TRRAP: variants seen among roughly 807,000 people sequenced by gnomAD.
The protein encoded by TRRAP is transformation/transcription domain-associated protein.
A neutral mutation model predicts 438.8 loss-of-function variants in TRRAP; 41 were observed. The observed-to-expected ratio is 0.09, with a 90% CI of 0.07 to 0.12. The LOEUF is 0.12. Ranked by LOEUF, TRRAP falls within the 10% of genes least tolerant of loss-of-function variation. The pLI, the probability that TRRAP is intolerant of heterozygous loss-of-function variation, is 1.00. For missense variants in TRRAP, 3,122 were observed against 5,055.1 expected (o/e 0.62, Z 11.60); for synonymous variants, 1,994 against 1,962.9 (o/e 1.02, Z -0.42).
At position 98,990,521 on chromosome 7, in the gene TRRAP, A is replaced by G; in HGVS notation, c.9658A>G (p.Ile3220Val). The G allele has an allele frequency of 1.2e-6, 2 of 1,614,168 alleles. No homozygotes were observed. The highest frequency in any genetic ancestry group is 1.7e-6 in the Non-Finnish European group (2 of 1,179,996). The change falls in exon 64 of 73, where the codon ATT becomes GTT. Residue 3220 changes from isoleucine to valine, a missense_variant. Coordinates refer to ENST00000456197, the MANE Select transcript of TRRAP (RefSeq NM_001375524.1). ...GGCAGATGCCGTCGACAAGTACTGC[A>G]TTGGTGTGCCACCCATCCAGTGGCT... Reference protein sequence around the residue: ...TLADAVDKYCIGVPPIQWLAW... With the variant: ...TLADAVDKYCVGVPPIQWLAW...
At chr7:98,902,033 C>T (rs1462031204) in intron 11 of TRRAP, among the ~76,000 whole-genome samples, 1 of 152,184 alleles carries the variant, frequency 6.6e-6, no homozygotes, top group Non-Finnish European at 1.5e-5. Flanking sequence ...TTGGCAACCA[C>T]GATTGTACTT....
At chr7:98,996,221 C>G (rs1230036573) in intron 67 of TRRAP, among the ~76,000 whole-genome samples, 1 of 152,260 alleles carries the variant, frequency 6.6e-6, no homozygotes, top group Admixed American at 6.5e-5. Context: ...ATCTGCGCAT[C>G]CACATCCCAT....
At chr7:98,902,444 T>G (rs1257794969) in intron 11 of TRRAP, among the ~76,000 whole-genome samples, 1 of 152,242 alleles carries the variant, frequency 6.6e-6, no homozygotes, top group Non-Finnish European at 1.5e-5. Flanking sequence ...GATTATAATT[T>G]ATGCTTTTTG....
intron 7 of TRRAP, among the ~76,000 whole-genome samples, chr7:98,896,960 G>A (rs1453156569): frequency 4.6e-5 from 7 of 151,872 alleles, no homozygotes; most frequent in African/African-American, 1.7e-4. Flanking sequence ...TTTGGCCAGG[G>A]GCAGTGGCTC....
chr7:98,993,026 A>G (rs1793497751), intron 65 of TRRAP, among the ~76,000 whole-genome samples: 1 of 152,234 alleles, frequency 6.6e-6, no homozygotes, highest in African/African-American at 2.4e-5. Flanking sequence ...CTCACAGGGA[A>G]AAATGACCGT....
chr7:98,910,542 C>T lies in TRRAP; in HGVS notation c.1747C>T (p.Pro583Ser). 1.9e-6 allele frequency: 3 copies of T among 1,614,024 alleles called. No homozygotes were observed. Among genetic ancestry groups the T allele is most frequent in the Non-Finnish European group, 2.5e-6 (3 of 1,180,006 alleles). The change falls in exon 16 of 73, where the codon CCC becomes TCC. Residue 583 changes from proline to serine, a missense_variant. Physicochemically the swap from Pro to Ser is moderately conservative, Grantham distance 74. Coordinates refer to ENST00000456197, the MANE Select transcript of TRRAP (RefSeq NM_001375524.1). ...AQFIPNKQLQPKETQIYIKLV... is the reference protein window; with the variant it reads ...AQFIPNKQLQSKETQIYIKLV... ...GTTCATTCCCAACAAGCAGTTACAA[C>T]CCAAAGAGACACAGATTTACATCAA...
At position 99,012,503 on chromosome 7, in the gene TRRAP, T is replaced by A. The variant is rs755953244; in HGVS notation, c.*148T>A. On this transcript the variant is annotated 3_prime_UTR_variant, in exon 73 of 73. Coordinates refer to ENST00000456197, the MANE Select transcript of TRRAP (RefSeq NM_001375524.1). This position sits in a 1 kb window ranked among gnomAD's most constrained non-coding sequence, Gnocchi z 5.9. ...GGTTATTTTCCTGGTAGTTTGCGTG[T>A]AAGAAAGGGAGAATATAGTTTTAGA... The A allele has an allele frequency of 2.4e-5, 23 of 976,638 alleles. No homozygotes were observed. Among genetic ancestry groups the A allele is most frequent in the Non-Finnish European group, 2.9e-5 (20 of 680,648 alleles). The allele number at this position is 976,638 out of a possible 1,614,324, so 60.5% of individuals were successfully genotyped here. A position where few individuals can be genotyped will look rare whatever the true frequency, so the allele number is the denominator to read the frequency against.
At chr7:98,911,725 C>T (rs1013227096) in intron 17 of TRRAP, among the ~76,000 whole-genome samples, 13 of 151,270 alleles carry the variant, frequency 8.6e-5, no homozygotes, top group South Asian at 4.2e-4. Context: ...GAGATCGCAC[C>T]GCTGCACTCC....
At position 98,937,323 on chromosome 7, in the gene TRRAP, CAT is replaced by C. The variant is rs3216992; in HGVS notation, c.4233+47_4233+48del. The C allele has an allele frequency of 0.034, 54,792 of 1,588,178 alleles. 1,073 individuals are homozygous for C. Among genetic ancestry groups the C allele is most frequent in the Middle Eastern group, 0.083 (489 of 5,896 alleles). On this transcript the variant is annotated intron_variant, in intron 29 of 72. Transcript: ENST00000456197. ...GTATGCGCACGCGTGTGTGCACACACATGTGTGTGTACTCTGCATTAAGAGTT... is the reference window on the plus strand; with the variant it reads ...GTATGCGCACGCGTGTGTGCACACACGTGTGTGTACTCTGCATTAAGAGTT...
In TRRAP at chr7:98,891,906, T is replaced by C. The variant is rs181439484; in HGVS notation, c.262-518T>C. 2.6e-5 allele frequency among the ~76,000 whole-genome samples: 4 copies of C among 152,332 alleles called. No homozygotes were observed. In the East Asian group the frequency reaches 7.7e-4, roughly 29 times the overall value. On this transcript the variant is annotated intron_variant, in intron 4 of 72. Coordinates refer to ENST00000456197, the MANE Select transcript of TRRAP (RefSeq NM_001375524.1). ...AATACCAGCTTATTAGTAAATAAAGTATTTTTATATCATGCCAGTGTGAGA... is the reference window on the plus strand; with the variant it reads ...AATACCAGCTTATTAGTAAATAAAGCATTTTTATATCATGCCAGTGTGAGA...
At chr7:98,889,538 CTT>C (rs72212667) in intron 3 of TRRAP, among the ~76,000 whole-genome samples, 36 of 77,886 alleles carry the variant, frequency 4.6e-4, no homozygotes, top group African/African-American at 8.5e-4. Context: ...TCCTATTCTC[CTT>C]TTTTTTTTTT....
chr7:98,932,658 G>T (rs1456289378), intron 26 of TRRAP, among the ~76,000 whole-genome samples: 1 of 151,818 alleles, frequency 6.6e-6, no homozygotes, highest in Non-Finnish European at 1.5e-5. Context: ...ATTTTTATGG[G>T]TACATGAAAA....
chr7:98,892,181 T>A (rs781827036), intron 4 of TRRAP, among the ~76,000 whole-genome samples: 1 of 152,242 alleles, frequency 6.6e-6, no homozygotes, highest in Non-Finnish European at 1.5e-5. Flanking sequence ...GGGGAGAAAT[T>A]GGCTTAGTCG....
intron 59 of TRRAP, 47 bp downstream of exon 59, chr7:98,982,007 G>A (rs752726473): frequency 6.8e-7 from 1 of 1,462,280 alleles, no homozygotes; most frequent in South Asian, 1.4e-5. Flanking sequence ...GCCTGTCGCA[G>A]CCAAGCGCCG....
chr7:98,918,984 CAAAA>C (rs782343068), intron 20 of TRRAP, among the ~76,000 whole-genome samples: 1 of 73,568 alleles, frequency 1.4e-5, no homozygotes, highest in Non-Finnish European at 2.9e-5. Context: ...TAAACTGTCT[CAAAA>C]AAAAAAAAAA....
In TRRAP at chr7:98,976,928, T is replaced by C. The variant is rs761508251; in HGVS notation, c.8248-11T>C. On this transcript the variant is annotated splice_polypyrimidine_tract_variant and intron_variant, in intron 55 of 72. Coordinates refer to ENST00000456197, the MANE Select transcript of TRRAP (RefSeq NM_001375524.1). This position sits in a 1 kb window ranked among gnomAD's most constrained non-coding sequence, Gnocchi z 4.6. ...TCTCAAGCACTCAGGAACCTTACTT[T>C]GTGTTTTCAGGAGATACTGGATTCC... The C allele has an allele frequency of 1.9e-6, 3 of 1,613,984 alleles. No homozygotes were observed. Among genetic ancestry groups the C allele is most frequent in the Non-Finnish European group, 2.5e-6 (3 of 1,179,984 alleles).
At chr7:98,975,103 G>A (rs1792595218) in intron 53 of TRRAP, among the ~76,000 whole-genome samples, 1 of 152,240 alleles carries the variant, frequency 6.6e-6, no homozygotes. Context: ...TCAGGGTGAA[G>A]TGTGTGGCCA....
At chr7:98,944,606 CCA>C (rs1790958832) in intron 31 of TRRAP, among the ~76,000 whole-genome samples, 1 of 152,126 alleles carries the variant, frequency 6.6e-6, no homozygotes, top group Non-Finnish European at 1.5e-5. Flanking sequence ...GTTTGGGGGC[CCA>C]GAGACAACAG....
At chr7:98,940,231 C>T (rs1376166554) in intron 30 of TRRAP, among the ~76,000 whole-genome samples, 4 of 151,964 alleles carry the variant, frequency 2.6e-5, no homozygotes, top group Admixed American at 2.6e-4. Flanking sequence ...CTCTGTCACC[C>T]AGACTGGAGT....
Sources: allele counts gnomAD v4.1 joint callset (sites outside exome capture counted in the v4.1 genomes callset), GRCh38; gene constraint gnomAD v4.1.1; non-coding constraint Gnocchi (gnomAD v3.1); transcripts MANE v1.5; gene names NCBI Gene and HGNC (gene_info 2026-07-23, HGNC 2026-07-21).